Variants in PPP4R3B observed in about 807,000 individuals in gnomAD.
The protein encoded by PPP4R3B is serine/threonine-protein phosphatase 4 regulatory subunit 3B.
PPP4R3B carries 52 observed loss-of-function variants against 95.4 expected under a neutral mutation model. That is an observed-to-expected ratio of 0.54 (90% CI 0.44 to 0.69). PPP4R3B has a LOEUF of 0.69. PPP4R3B is among the 30% of genes least tolerant of loss of function. The pLI is 0.00. For synonymous variants in PPP4R3B, 407 were observed against 343.9 expected, an observed-to-expected ratio of 1.18 and a Z score of -2.03; for missense variants, 1,003 against 1,005.9, an observed-to-expected ratio of 1.00 and a Z score of 0.04.
intron 2 of PPP4R3B, 60 bp downstream of exon 2, chr2:55,615,391 G>C: frequency 8.1e-7 from 1 of 1,235,404 alleles, no homozygotes; most frequent in Non-Finnish European, 1.2e-6. Context: ...ACCTTTGTCA[G>C]ATTAATACTT....
chr2:55,574,932 CTTCT>C (rs1177723860), intron 11 of PPP4R3B, among the ~76,000 whole-genome samples: 12 of 130,684 alleles, frequency 9.2e-5, no homozygotes, highest in Non-Finnish European at 1.3e-4. Context: ...TCATATACAA[CTTCT>C]TTTTTTTTTT....
At chr2:55,600,805 G>C (rs924479418) in intron 3 of PPP4R3B, among the ~76,000 whole-genome samples, 1 of 151,960 alleles carries the variant, frequency 6.6e-6, no homozygotes, top group Non-Finnish European at 1.5e-5. Context: ...AGGAGAAACA[G>C]TAAAAGAGGG....
intron 5 of PPP4R3B, among the ~76,000 whole-genome samples, chr2:55,588,037 T>C (rs557580993): frequency 2.6e-5 from 4 of 152,220 alleles, no homozygotes; most frequent in African/African-American, 9.6e-5. Flanking sequence ...TCCCTTCTCA[T>C]CTCATTATGT....
chr2:55,578,107 T>C, intron 10 of PPP4R3B, 140 bp downstream of exon 10: 1 of 856,912 alleles, frequency 1.2e-6, no homozygotes, highest in Non-Finnish European at 1.6e-6. Flanking sequence ...AAAATAACAC[T>C]GGATAAAAAA....
In PPP4R3B at chr2:55,585,099, T is replaced by C; in HGVS notation, c.1185A>G (p.Pro395=). The C allele has an allele frequency of 1.2e-6, 2 of 1,611,936 alleles. No individual in the cohort carries two copies. Among genetic ancestry groups the C allele is most frequent in the Non-Finnish European group, 1.7e-6 (2 of 1,179,124 alleles). ...DIFSYLVEFS[P]SMVREFVMQE... ...GCATTACAAACTCTCGGACCATAGA[T>C]GGACTAAATTCTACTAGATAAGAAA... Residue 395 remains proline, a synonymous_variant, in exon 7 of 17, where the codon CCA becomes CCG. Transcript: ENST00000616407.
intron 7 of PPP4R3B, among the ~76,000 whole-genome samples, chr2:55,582,408 C>G (rs539521343): frequency 1.1e-4 from 16 of 152,156 alleles, no homozygotes; most frequent in Non-Finnish European, 2.2e-4. Flanking sequence ...CATGAGCCAC[C>G]ATGCCTGACT....
chr2:55,589,350 G>GAAA (rs1553474278), intron 4 of PPP4R3B, among the ~76,000 whole-genome samples: 2 of 151,802 alleles, frequency 1.3e-5, no homozygotes, highest in African/African-American at 4.8e-5. Flanking sequence ...AGAAAAACAA[G>GAAA]AATTGTAAGA....
intron 11 of PPP4R3B, 107 bp from the exon 12 acceptor site, chr2:55,573,884 TC>T (rs1410997881): frequency 3.4e-4 from 141 of 419,622 alleles, no homozygotes; most frequent in Admixed American, 2.5e-3. Flanking sequence ...CTGTATTTCC[TC>T]CTTTTTTTTT....
At chr2:55,611,189 TGCCCAG>T (rs1694118383) in intron 2 of PPP4R3B, among the ~76,000 whole-genome samples, 1 of 151,960 alleles carries the variant, frequency 6.6e-6, no homozygotes, top group Admixed American at 6.6e-5. Flanking sequence ...TAAGATATGT[TGCCCAG>T]GCTGGGGTGC....
chr2:55,588,828 T>A (rs1023870442), intron 5 of PPP4R3B, 51 bp downstream of exon 5: 1 of 1,226,518 alleles, frequency 8.2e-7, no homozygotes, highest in Non-Finnish European at 1.2e-6. Context: ...TTAAAAGCTG[T>A]GCATGCCAAA....
At chr2:55,582,467 C>T (rs1254207099) in intron 7 of PPP4R3B, among the ~76,000 whole-genome samples, 5 of 152,106 alleles carry the variant, frequency 3.3e-5, no homozygotes, top group Non-Finnish European at 7.4e-5. Context: ...GCTGGCATCT[C>T]TATTTTCTGA....
chr2:55,559,301 G>A (rs772231306), intron 15 of PPP4R3B, among the ~76,000 whole-genome samples: 23 of 151,824 alleles, frequency 1.5e-4, no homozygotes, highest in African/African-American at 2.2e-4. Flanking sequence ...AGCCGAGATC[G>A]CACCACTGCA....
chr2:55,590,783 T>C (rs1574835708), intron 4 of PPP4R3B, among the ~76,000 whole-genome samples: 2 of 152,222 alleles, frequency 1.3e-5, no homozygotes, highest in African/African-American at 2.4e-5. Context: ...CAACTACCTG[T>C]CCTTTTTCTT....
At chr2:55,609,845 T>C (rs1693930652) in intron 2 of PPP4R3B, among the ~76,000 whole-genome samples, 1 of 152,142 alleles carries the variant, frequency 6.6e-6, no homozygotes, top group South Asian at 2.1e-4. Flanking sequence ...TTTGCTTACA[T>C]ATGCATACCT....
At chr2:55,555,278 TAAA>T (rs372423262) in intron 16 of PPP4R3B, among the ~76,000 whole-genome samples, 1 of 108,900 alleles carries the variant, frequency 9.2e-6, no homozygotes, top group Non-Finnish European at 1.8e-5. Flanking sequence ...AGACTCCGTC[TAAA>T]AAAAAAAAAA....
Position 55,573,721 on chromosome 2 carries a change from C to G in PPP4R3B, c.1663G>C (p.Val555Leu). 1.3e-6 allele frequency: 2 copies of G among 1,543,024 alleles called. No homozygotes were observed. The highest frequency in any genetic ancestry group is 1.7e-6 in the Non-Finnish European group (2 of 1,144,548). ...TTTATGTGATATGTGTGATGTTCCA[C>G]ACAAAATGTGAGTAACTCTAAAATT... Reference protein sequence around the residue: ...ALILELLTFCVEHHTYHIKNY... With the variant: ...ALILELLTFCLEHHTYHIKNY... Residue 555 changes from valine (V) to leucine (L), a missense_variant, in exon 12 of 17, where the codon GTG (valine) becomes CTG (leucine). Around this residue, in one of 3 missense-constraint regions of PPP4R3B, gnomAD observed 695 missense variants for 686.2 expected, o/e 1.01. Transcript: ENST00000616407.
At chr2:55,578,043 T>C (rs1232959171) in intron 10 of PPP4R3B, among the ~76,000 whole-genome samples, 2 of 151,914 alleles carry the variant, frequency 1.3e-5, no homozygotes, top group Non-Finnish European at 2.9e-5. Context: ...ATAAGAACTC[T>C]ATTTCAATAT....
chr2:55,588,770 C>A, intron 5 of PPP4R3B, 109 bp downstream of exon 5: 1 of 606,458 alleles, frequency 1.6e-6, no homozygotes, highest in South Asian at 2.4e-5. Context: ...CTTTTCATCT[C>A]TTACTAATCT....
At chr2:55,574,188 T>G (rs1327767571) in intron 11 of PPP4R3B, among the ~76,000 whole-genome samples, 1 of 151,732 alleles carries the variant, frequency 6.6e-6, no homozygotes, top group Non-Finnish European at 1.5e-5. Context: ...CCCCTGCACC[T>G]GGCCTATTTC....
Sources: gnomAD v4.1 joint callset for allele counts (sites outside exome capture counted in the v4.1 genomes callset) on GRCh38, gnomAD v4.1.1 for gene constraint, gnomAD v4.1.1 regional missense constraint, MANE v1.5 for transcripts, NCBI Gene and HGNC (gene_info 2026-07-23, HGNC 2026-07-21) for gene names.